DCC: variants seen among roughly 807,000 people sequenced by gnomAD.
The protein encoded by DCC is netrin receptor DCC.
In DCC, 58 loss-of-function variants were observed where a neutral mutation model predicts 172.5. The observed-to-expected ratio is 0.34, with a 90% CI of 0.27 to 0.42. The LOEUF is 0.42. Ranked by LOEUF, DCC falls within the 10% of genes least tolerant of loss-of-function variation. DCC has a pLI of 1.00. For missense variants in DCC, 1,740 were observed against 1,791.0 expected (o/e 0.97, Z 0.51); for synonymous variants, 709 against 644.5 (o/e 1.10, Z -1.52).
intron 1 of DCC, among the ~76,000 whole-genome samples, chr18:52,372,887 A>G (rs908732440): frequency 2.6e-5 from 4 of 152,198 alleles, no homozygotes; most frequent in African/African-American, 9.6e-5. Flanking sequence ...AGAAGAGACA[A>G]CCATTGGAAA....
At position 53,322,590 on chromosome 18, in the gene DCC, G is replaced by T. The variant is rs113289655; in HGVS notation, c.2164+433G>T. On this transcript the variant is annotated intron_variant, in intron 14 of 28. Transcript: ENST00000442544. ...AACATCTATATGTATTTTTTTACTT[G>T]CTTATGATATTATCATTACCTTTTC... 2.1e-3 allele frequency among the ~76,000 whole-genome samples: 319 copies of T among 151,426 alleles called. 3 individuals are homozygous for T. Among genetic ancestry groups the T allele is most frequent in the African/African-American group, 7.4e-3 (307 of 41,318 alleles).
chr18:53,176,006 C>G (rs1332551686), intron 8 of DCC, among the ~76,000 whole-genome samples: 21 of 151,126 alleles, frequency 1.4e-4, no homozygotes, highest in African/African-American at 3.2e-4. Flanking sequence ...CAGAACAGAG[C>G]CCTCAGAAAT....
At chr18:52,947,194 A>G (rs529311473) in intron 5 of DCC, among the ~76,000 whole-genome samples, 1 of 152,356 alleles carries the variant, frequency 6.6e-6, no homozygotes, top group South Asian at 2.1e-4. Flanking sequence ...CTATCCCTAG[A>G]AAAACAGGGT....
chr18:53,277,441 C>T (rs145714767), intron 12 of DCC, among the ~76,000 whole-genome samples: 1 of 152,146 alleles, frequency 6.6e-6, no homozygotes, highest in African/African-American at 2.4e-5. Flanking sequence ...TCCTCCAGCA[C>T]TTTCAATGTT....
At position 52,610,160 on chromosome 18, in the gene DCC, A is replaced by T. The variant is rs1188832755; in HGVS notation, c.92-141894A>T. Among the ~76,000 whole-genome samples the T allele has an allele frequency of 7.9e-3, 91 of 11,512 alleles. 3 individuals are homozygous for T. The highest frequency in any genetic ancestry group is 0.019 in the African/African-American group (48 of 2,546). 7.6% of individuals were successfully genotyped at this position (11,512 alleles called of 152,430 possible). ...AAAACCCCATCTCTCATAAAAAAAA[A>T]AAAAAAAAAAAAAAAAAAATATATA... On this transcript the variant is annotated intron_variant, in intron 1 of 28. Coordinates refer to ENST00000442544, the MANE Select transcript of DCC (RefSeq NM_005215.4).
At chr18:52,413,461 A>G (rs1025690601) in intron 1 of DCC, among the ~76,000 whole-genome samples, 1 of 151,902 alleles carries the variant, frequency 6.6e-6, no homozygotes, top group Non-Finnish European at 1.5e-5. Context: ...TGTATCTGTC[A>G]TCTATATAAC....
rs1200968701 is a variant in DCC, at chr18:53,351,907, C to T, written c.2359+12000C>T. Among the ~76,000 whole-genome samples, 3 of 151,700 alleles carry T rather than the reference C, an allele frequency of 2.0e-5. No individual in the cohort carries two copies. In the East Asian group the frequency reaches 5.8e-4, roughly 29 times the overall value. On this transcript the variant is annotated intron_variant, in intron 15 of 28. Transcript: ENST00000442544. Reference sequence around the variant, plus strand: ...TCCCAATTTTAAAAATTAGGTAAGACAGAGAAATAACTAAGTAAATAGGAA... The same window carrying T: ...TCCCAATTTTAAAAATTAGGTAAGATAGAGAAATAACTAAGTAAATAGGAA...
chr18:52,822,858 AGT>A (rs775557176), intron 2 of DCC, among the ~76,000 whole-genome samples: 6 of 152,330 alleles, frequency 3.9e-5, no homozygotes, highest in Non-Finnish European at 7.3e-5. Flanking sequence ...TAGATGCCTA[AGT>A]GTAGGATTTG....
chr18:52,590,938 T>C (rs1431488758), intron 1 of DCC, among the ~76,000 whole-genome samples: 1 of 152,246 alleles, frequency 6.6e-6, no homozygotes, highest in Non-Finnish European at 1.5e-5. Context: ...TACAAGTAGA[T>C]GAATGTCTTC....
chr18:52,790,142 G>A (rs565751755), intron 2 of DCC, among the ~76,000 whole-genome samples: 1 of 152,114 alleles, frequency 6.6e-6, no homozygotes, highest in Non-Finnish European at 1.5e-5. Context: ...GAGACTAAAA[G>A]TATTGCCACG....
chr18:52,464,601 G>T (rs183681116), intron 1 of DCC, among the ~76,000 whole-genome samples: 1 of 152,196 alleles, frequency 6.6e-6, no homozygotes, highest in Admixed American at 6.5e-5. Flanking sequence ...GAAAATGCAG[G>T]TTCCCCAGCA....
At chr18:52,418,467 A>T (rs192632158) in intron 1 of DCC, among the ~76,000 whole-genome samples, 1 of 152,272 alleles carries the variant, frequency 6.6e-6, no homozygotes, top group East Asian at 1.9e-4. Flanking sequence ...TACGTCCAAA[A>T]GGTTTGCAAT....
chr18:52,963,290 C>T (rs2040873985), intron 5 of DCC, among the ~76,000 whole-genome samples: 1 of 150,562 alleles, frequency 6.6e-6, no homozygotes, highest in South Asian at 2.1e-4. Context: ...ATAAGCATGC[C>T]TACATGATTT....
intron 5 of DCC, among the ~76,000 whole-genome samples, chr18:52,986,525 T>TA (rs1275783921): frequency 6.6e-6 from 1 of 152,116 alleles, no homozygotes; most frequent in Admixed American, 6.6e-5. Context: ...AAAACAGAAA[T>TA]ATGTTCCTCT....
chr18:53,054,204 T>C (rs1424119591), intron 5 of DCC, among the ~76,000 whole-genome samples: 2 of 152,150 alleles, frequency 1.3e-5, no homozygotes, highest in Admixed American at 6.6e-5. Flanking sequence ...TATTTTATTT[T>C]TTATAGTTGT....
At chr18:52,977,772 C>A (rs773283960) in intron 5 of DCC, among the ~76,000 whole-genome samples, 1 of 151,704 alleles carries the variant, frequency 6.6e-6, no homozygotes, top group Non-Finnish European at 1.5e-5. Flanking sequence ...GTAGTCCCAG[C>A]TACTCGTGAG....
At chr18:52,475,012 C>T (rs568875780) in intron 1 of DCC, among the ~76,000 whole-genome samples, 4 of 152,276 alleles carry the variant, frequency 2.6e-5, no homozygotes, top group African/African-American at 9.6e-5. Context: ...CATAAGAAAA[C>T]ACAGATAAGT....
intron 12 of DCC, among the ~76,000 whole-genome samples, chr18:53,250,926 T>C (rs2056422781): frequency 6.6e-6 from 1 of 152,086 alleles, no homozygotes. Flanking sequence ...ATCCGTGACC[T>C]CTATGCTGTT....
At chr18:52,447,852 G>C (rs780121146) in intron 1 of DCC, among the ~76,000 whole-genome samples, 23 of 152,136 alleles carry the variant, frequency 1.5e-4, no homozygotes, top group Non-Finnish European at 3.1e-4. Context: ...AGTACCAAGG[G>C]GATAGCACTG....
Sources: gnomAD v4.1 joint callset for allele counts (sites outside exome capture counted in the v4.1 genomes callset) on GRCh38, gnomAD v4.1.1 for gene constraint, MANE v1.5 for transcripts, NCBI Gene and HGNC (gene_info 2026-07-23, HGNC 2026-07-21) for gene names.